The following DNAAF5 variants were observed in gnomAD, a reference collection of about 807,000 sequenced individuals.
DNAAF5 encodes dynein axonemal assembly factor 5.
A neutral mutation model predicts 75.8 loss-of-function variants in DNAAF5; 64 were observed. The observed-to-expected ratio is 0.84, with a 90% confidence interval of 0.69 to 1.04. The LOEUF (loss-of-function observed/expected upper bound fraction) is 1.04, where lower values mean the gene tolerates loss of function less well. DNAAF5 is among the 50% of genes least tolerant of loss of function. The pLI, the probability that DNAAF5 is intolerant of heterozygous loss-of-function variation, is 0.00. For missense variants in DNAAF5, 1,269 were observed against 1,178.5 expected (o/e 1.08, Z -1.12); for synonymous variants, 657 against 557.2 (o/e 1.18, Z -2.52).
intron 2 of DNAAF5, among the ~76,000 whole-genome samples, chr7:735,179 TGGTGTAGCTGCTCAC>T (rs1275084971): frequency 3.4e-5 from 5 of 147,336 alleles, no homozygotes; most frequent in Non-Finnish European, 4.5e-5. Flanking sequence ...TAGCTGCTCA[TGGTGTAGCTGCTCAC>T]GGTGTAGCTG....
chr7:739,116 AC>A, intron 2 of DNAAF5, among the ~76,000 whole-genome samples: 1 of 53,356 alleles, frequency 1.9e-5, no homozygotes, highest in Non-Finnish European at 4.0e-5. Context: ...ATCACTGTAT[AC>A]CTGTTTGGGC....
At chr7:745,617 G>A (rs1562381533) in intron 4 of DNAAF5, among the ~76,000 whole-genome samples, 1 of 152,080 alleles carries the variant, frequency 6.6e-6, no homozygotes, top group African/African-American at 2.4e-5. Flanking sequence ...ACACACCTGT[G>A]CACACACGTG....
At chr7:743,335 C>G (rs910000827) in intron 4 of DNAAF5, among the ~76,000 whole-genome samples, 1 of 151,974 alleles carries the variant, frequency 6.6e-6, no homozygotes, top group South Asian at 2.1e-4. Context: ...TGACCACACC[C>G]CTGCACTCCA....
intron 9 of DNAAF5, among the ~76,000 whole-genome samples, chr7:773,151 T>A (rs968238165): frequency 6.6e-6 from 1 of 151,974 alleles, no homozygotes; most frequent in Non-Finnish European, 1.5e-5. Context: ...GTGCCGAAAA[T>A]GGCAGCTCTG....
chr7:741,522 G>A (rs1451779954), intron 4 of DNAAF5, 57 bp downstream of exon 4: 4 of 1,057,820 alleles, frequency 3.8e-6, no homozygotes, highest in South Asian at 1.4e-5. Context: ...GGGTGGGAAA[G>A]GGGCTTCTGA....
At chr7:769,735 G>A (rs1024978560) in intron 8 of DNAAF5, among the ~76,000 whole-genome samples, 2 of 152,142 alleles carry the variant, frequency 1.3e-5, no homozygotes, top group Non-Finnish European at 2.9e-5. Flanking sequence ...TCAGCTCACC[G>A]CAACTTCCGC....
intron 9 of DNAAF5, chr7:772,963 A>T (rs1405350209): frequency 3.0e-4 from 30 of 99,492 alleles, no homozygotes; most frequent in South Asian, 3.9e-4. Context: ...CCAAAATTAA[A>T]AAAAAAAAAA....
At chr7:756,588 G>A (rs1463479747) in intron 5 of DNAAF5, among the ~76,000 whole-genome samples, 194 bp from the exon 6 acceptor site, 1 of 152,182 alleles carries the variant, frequency 6.6e-6, no homozygotes. Flanking sequence ...GCTGGCCTCA[G>A]GGACGTTCTG....
intron 2 of DNAAF5, among the ~76,000 whole-genome samples, chr7:736,941 C>T (rs1357295550): frequency 6.6e-6 from 1 of 152,018 alleles, no homozygotes; most frequent in African/African-American, 2.4e-5. Context: ...GATAGCTGAA[C>T]ACTGATTCCA....
intron 8 of DNAAF5, among the ~76,000 whole-genome samples, chr7:765,577 C>T (rs576037180): frequency 6.6e-6 from 1 of 152,224 alleles, no homozygotes; most frequent in South Asian, 2.1e-4. Context: ...ATGGTGTTGG[C>T]GGAACTGATT....
chr7:758,181 G>A (rs752053044), intron 6 of DNAAF5, among the ~76,000 whole-genome samples: 1 of 152,210 alleles, frequency 6.6e-6, no homozygotes, highest in African/African-American at 2.4e-5. Context: ...CTTCACCCAC[G>A]AGGGGTTATG....
chr7:729,926 T>G, intron 2 of DNAAF5, 79 bp downstream of exon 2: 1 of 1,395,970 alleles, frequency 7.2e-7, no homozygotes, highest in Non-Finnish European at 1.0e-6. Flanking sequence ...ACTAACTCAC[T>G]TGTTCTTTTT....
chr7:752,119 C>T (rs2128077247), intron 4 of DNAAF5, among the ~76,000 whole-genome samples: 1 of 152,296 alleles, frequency 6.6e-6, no homozygotes. Flanking sequence ...CAGGCGCCCG[C>T]ACGCGGACCA....
At chr7:782,295 A>AAACTCGGC (rs1778984749) in intron 12 of DNAAF5, among the ~76,000 whole-genome samples, 1 of 148,484 alleles carries the variant, frequency 6.7e-6, no homozygotes, top group African/African-American at 2.5e-5. Flanking sequence ...AGAAACTCGG[A>AAACTCGGC]TCTTCCTGGC....
At position 770,450 on chromosome 7, in the gene DNAAF5, A is replaced by G. The variant is rs545532793; in HGVS notation, c.1784-21A>G. 82 of 1,609,096 alleles carry G rather than the reference A, an allele frequency of 5.1e-5. 3 individuals are homozygous for G. The South Asian group carries it at 8.2e-4, about 16-fold the overall frequency. Reference sequence around the variant, plus strand: ...CCGTCTCCTGAGGGCCGTGCACAGGAGCCTCTGTTGTGTCTTACAGGCCCT... The same window carrying G: ...CCGTCTCCTGAGGGCCGTGCACAGGGGCCTCTGTTGTGTCTTACAGGCCCT... On this transcript the variant is annotated intron_variant, in intron 8 of 12. Transcript: ENST00000297440.
intron 4 of DNAAF5, among the ~76,000 whole-genome samples, chr7:749,072 G>A (rs900424552): frequency 1.3e-5 from 2 of 152,114 alleles, no homozygotes; most frequent in Admixed American, 1.3e-4. Flanking sequence ...CACAGCGTAA[G>A]TTTCCATTAA....
intron 2 of DNAAF5, among the ~76,000 whole-genome samples, chr7:737,256 C>G (rs1196068418): frequency 1.3e-5 from 2 of 152,012 alleles, no homozygotes; most frequent in Non-Finnish European, 2.9e-5. Context: ...CCACCACACC[C>G]AGCTAATTTT....
At chr7:747,472 G>T (rs567373003) in intron 4 of DNAAF5, among the ~76,000 whole-genome samples, 1 of 150,370 alleles carries the variant, frequency 6.7e-6, no homozygotes, top group African/African-American at 2.5e-5. Context: ...GGTGGCCCAC[G>T]GTGTTGGTGG....
chr7:739,419 T>C (rs1781836313), intron 2 of DNAAF5, among the ~76,000 whole-genome samples: 2 of 152,204 alleles, frequency 1.3e-5, no homozygotes, highest in African/African-American at 2.4e-5. Flanking sequence ...CAGTTTGTTC[T>C]GTGGGGACTC....
Sources: allele counts gnomAD v4.1 joint callset (sites outside exome capture counted in the v4.1 genomes callset), GRCh38; gene constraint gnomAD v4.1.1; transcripts MANE v1.5; gene names NCBI Gene and HGNC (gene_info 2026-07-23, HGNC 2026-07-21).